FAAH2: variants seen among roughly 807,000 people sequenced by gnomAD.
FAAH2 encodes fatty acid amide hydrolase 2.
Under a neutral mutation model 36.9 loss-of-function variants are expected in FAAH2, and 60 were observed. The ratio of observed to expected loss-of-function variants is 1.63; its 90% CI spans 1.32 to 2.02. FAAH2 has a LOEUF of 2.02. Among genes scored for constraint, FAAH2 ranks in the 30% most tolerant of loss-of-function variants. The pLI is 0.00. For synonymous variants in FAAH2, 214 were observed against 143.8 expected (o/e 1.49, Z -3.49); for missense variants, 689 against 397.5 (o/e 1.73, Z -6.23).
At chrX:57,428,373 C>A (rs182654757) in intron 7 of FAAH2, among the ~76,000 whole-genome samples, 169 of 71,761 alleles carry the variant, frequency 2.4e-3, no homozygotes, top group African/African-American at 4.8e-3. Flanking sequence ...TGTAATTTTG[C>A]ACAGAATTAG....
At chrX:57,242,030 G>C in the FAAH2 span, among the ~76,000 whole-genome samples, 1 of 112,551 alleles carries the variant, frequency 8.9e-6, no homozygotes, top group Non-Finnish European at 1.9e-5. Context: ...AGACTTAAAT[G>C]TTCCTGCCAG....
chrX:57,362,829 G>A (rs1360818363), intron 5 of FAAH2, among the ~76,000 whole-genome samples: 1 of 111,726 alleles, frequency 9.0e-6, no homozygotes, highest in Non-Finnish European at 1.9e-5. Context: ...TTTATTGATA[G>A]GTACTTCATT....
At chrX:57,407,940 G>A (rs990588636) in intron 7 of FAAH2, among the ~76,000 whole-genome samples, 1 of 111,586 alleles carries the variant, frequency 9.0e-6, no homozygotes, top group Non-Finnish European at 1.9e-5. Flanking sequence ...TGTTACTTTT[G>A]TCAAAAGTTT....
At chrX:57,412,163 T>G (rs1252272375) in intron 7 of FAAH2, among the ~76,000 whole-genome samples, 1 of 112,222 alleles carries the variant, frequency 8.9e-6, no homozygotes, top group Non-Finnish European at 1.9e-5. Flanking sequence ...ACATTGTTGA[T>G]AACTATAGTC....
In FAAH2 at chrX:57,464,896, A is replaced by C. The variant is rs1002351097; in HGVS notation, c.1423+16178A>C. Among the ~76,000 whole-genome samples the C allele has an allele frequency of 3.6e-5, 4 of 111,713 alleles. No individual in the cohort carries two copies. In the Admixed American group the frequency reaches 3.8e-4, roughly 11 times the overall value. On this transcript the variant is annotated intron_variant, in intron 10 of 10. Transcript: ENST00000374900. ...ATGACAACAAAAACAAAATCAGGCA[A>C]TAGAATCATTCTTTTATCTTGGACT...
intron 8 of FAAH2, among the ~76,000 whole-genome samples, chrX:57,439,138 A>G (rs2056485868): frequency 9.1e-6 from 1 of 110,174 alleles, no homozygotes; most frequent in African/African-American, 3.3e-5. Flanking sequence ...GGCTGGGTCA[A>G]ATGGTATTTC....
At chrX:57,169,004 T>C in the FAAH2 span, among the ~76,000 whole-genome samples, 1 of 110,991 alleles carries the variant, frequency 9.0e-6, no homozygotes, top group Non-Finnish European at 1.9e-5. Flanking sequence ...AAGTCCAAAA[T>C]AAAGATGCCA....
chrX:57,469,926 G>A (rs993869775), intron 10 of FAAH2, among the ~76,000 whole-genome samples: 1 of 111,674 alleles, frequency 9.0e-6, no homozygotes, highest in Admixed American at 9.6e-5. Context: ...AATCAAACTA[G>A]AACTCAGGAT....
chrX:57,246,317 TCCTTCTGAAA>T, the FAAH2 span, among the ~76,000 whole-genome samples: 1 of 111,849 alleles, frequency 8.9e-6, no homozygotes, highest in South Asian at 3.7e-4. Flanking sequence ...CTGGTAGCAT[TCCTTCTGAAA>T]CTATTCCAAA....
chrX:57,217,450 A>AT, the FAAH2 span, among the ~76,000 whole-genome samples: 4 of 111,489 alleles, frequency 3.6e-5, no homozygotes, highest in Non-Finnish European at 3.8e-5. Context: ...TCCTGAGTTG[A>AT]TTTTTGAATA....
the FAAH2 span, among the ~76,000 whole-genome samples, chrX:57,159,720 A>G: frequency 1.8e-5 from 2 of 112,154 alleles, no homozygotes; most frequent in Admixed American, 1.9e-4. Context: ...GTTGCTTATC[A>G]GTTTAAGGAG....
chrX:57,394,113 C>G, intron 7 of FAAH2: 1 of 723,593 alleles, frequency 1.4e-6, no homozygotes, highest in Non-Finnish European at 2.2e-6. Flanking sequence ...GCATGGATGT[C>G]ACCTGTGAGG....
chrX:57,174,487 T>C, the FAAH2 span, among the ~76,000 whole-genome samples: 1 of 112,086 alleles, frequency 8.9e-6, no homozygotes, highest in Non-Finnish European at 1.9e-5. Flanking sequence ...TTGTCTTTTC[T>C]TGGTTAACAT....
At chrX:57,239,474 T>TTATA in the FAAH2 span, among the ~76,000 whole-genome samples, 76 of 106,676 alleles carry the variant, frequency 7.1e-4, no homozygotes, top group Middle Eastern at 9.8e-3. Flanking sequence ...TGCAGCTCTT[T>TTATA]TATATATATA....
intron 10 of FAAH2, among the ~76,000 whole-genome samples, chrX:57,486,195 G>A (rs747868343): frequency 8.9e-6 from 1 of 112,018 alleles, no homozygotes; most frequent in South Asian, 3.8e-4. Flanking sequence ...TAGGCTCGAG[G>A]AGGTCTCTGG....
intron 3 of FAAH2, among the ~76,000 whole-genome samples, chrX:57,326,432 A>G (rs953069970): frequency 8.7e-6 from 1 of 114,355 alleles, no homozygotes; most frequent in Non-Finnish European, 1.9e-5. Flanking sequence ...TAATGTTGAC[A>G]GTGGGGTGTT....
intron 5 of FAAH2, among the ~76,000 whole-genome samples, chrX:57,349,166 C>A (rs1453801746): frequency 9.9e-5 from 5 of 50,577 alleles, no homozygotes; most frequent in Admixed American, 9.7e-4. Flanking sequence ...ATAATATATA[C>A]ACATATATAT....
chrX:57,246,398 C>T, the FAAH2 span, among the ~76,000 whole-genome samples: 1,223 of 111,518 alleles, frequency 0.011, 19 homozygotes, highest in African/African-American at 0.038. Context: ...ATCCTGATAC[C>T]AAAACCTGGC....
At chrX:57,134,924 A>G in the FAAH2 span, 1 of 111,888 alleles carries the variant, frequency 8.9e-6, no homozygotes, top group African/African-American at 3.3e-5. Flanking sequence ...ATTCCTGTCA[A>G]CATGCTCTTC....
Sources: allele counts gnomAD v4.1 joint callset (sites outside exome capture counted in the v4.1 genomes callset), GRCh38; gene constraint gnomAD v4.1.1; transcripts MANE v1.5; gene names NCBI Gene and HGNC (gene_info 2026-07-23, HGNC 2026-07-21).